Variants in ARHGAP29 observed in about 807,000 individuals in gnomAD.
The protein encoded by ARHGAP29 is Rho GTPase activating protein 29, also known as rho GTPase-activating protein 29.
ARHGAP29 carries 43 observed loss-of-function variants against 122.6 expected under a neutral mutation model. The ratio of observed to expected loss-of-function variants is 0.35; its 90% CI spans 0.27 to 0.45. The LOEUF is 0.45. Ranked by LOEUF, ARHGAP29 falls within the 20% of genes least tolerant of loss-of-function variation. The pLI, the probability that ARHGAP29 is intolerant of heterozygous loss-of-function variation, is 1.00. For synonymous variants in ARHGAP29, 506 were observed against 497.1 expected (o/e 1.02, Z -0.24); for missense variants, 1,303 against 1,477.2 (o/e 0.88, Z 1.93).
chr1:94,298,610 G>A, the ARHGAP29 span, among the ~76,000 whole-genome samples: 1 of 152,128 alleles, frequency 6.6e-6, no homozygotes, highest in African/African-American at 2.4e-5. Context: ...CTTAAAAGTT[G>A]TTTTTGGTTT....
At chr1:94,294,742 G>A in the ARHGAP29 span, among the ~76,000 whole-genome samples, 1 of 152,206 alleles carries the variant, frequency 6.6e-6, no homozygotes, top group Non-Finnish European at 1.5e-5. Context: ...ATCATTAAAT[G>A]AGAAGATGAG....
At chr1:94,226,475 A>G (rs1349533608) in intron 2 of ARHGAP29, among the ~76,000 whole-genome samples, 1 of 152,006 alleles carries the variant, frequency 6.6e-6, no homozygotes, top group Admixed American at 6.5e-5. Flanking sequence ...AAGTGGCAGA[A>G]TGAGGATTCC....
intron 7 of ARHGAP29, among the ~76,000 whole-genome samples, chr1:94,204,785 T>C (rs887352745): frequency 6.6e-6 from 1 of 152,230 alleles, no homozygotes; most frequent in Admixed American, 6.5e-5. Flanking sequence ...GACCATATTA[T>C]CTGACTGCAT....
intron 1 of ARHGAP29, among the ~76,000 whole-genome samples, chr1:94,269,704 A>C (rs1387335727): frequency 6.6e-6 from 1 of 152,320 alleles, no homozygotes; most frequent in East Asian, 1.9e-4. Context: ...ATTATTGAGC[A>C]CCTACTGTGT....
intron 12 of ARHGAP29, chr1:94,195,475 C>A (rs1211871519): frequency 1.3e-5 from 2 of 151,918 alleles, no homozygotes; most frequent in African/African-American, 4.8e-5. Flanking sequence ...ATGTGTGCAA[C>A]CAATTTTTTA....
At chr1:94,289,665 C>T in the ARHGAP29 span, among the ~76,000 whole-genome samples, 2 of 152,100 alleles carry the variant, frequency 1.3e-5, no homozygotes, top group South Asian at 2.1e-4. Context: ...AGATACGTTC[C>T]GTCAATAACT....
At position 94,170,041 on chromosome 1, in the gene ARHGAP29, A is replaced by T. The variant is rs754048979; in HGVS notation, c.*3828T>A. On this transcript the variant is annotated 3_prime_UTR_variant, in exon 23 of 23. Transcript: ENST00000260526. ...CCAAGGCAGAAGCCACGGACTCACC[A>T]TTTGACAACCAAAATAGTAATTGGT... Among the ~76,000 whole-genome samples the T allele has an allele frequency of 4.6e-5, 7 of 152,230 alleles. No individual in the cohort carries two copies. Among genetic ancestry groups the T allele is most frequent in the Non-Finnish European group, 1.0e-4 (7 of 68,036 alleles).
intron 13 of ARHGAP29, 133 bp downstream of exon 13, chr1:94,189,793 A>G: frequency 1.2e-6 from 1 of 805,984 alleles, no homozygotes; most frequent in Non-Finnish European, 1.9e-6. Flanking sequence ...TCGATACCAT[A>G]AAATAATATT....
chr1:94,267,895 A>T (rs949919759), intron 1 of ARHGAP29, among the ~76,000 whole-genome samples: 1 of 152,224 alleles, frequency 6.6e-6, no homozygotes, highest in African/African-American at 2.4e-5. Flanking sequence ...GAACTATCCC[A>T]GTCTTCACTA....
At chr1:94,212,503 C>T (rs1425981876) in intron 3 of ARHGAP29, among the ~76,000 whole-genome samples, 1 of 151,986 alleles carries the variant, frequency 6.6e-6, no homozygotes, top group Non-Finnish European at 1.5e-5. Context: ...AATGTAAATC[C>T]TACTTGTATT....
At chr1:94,258,093 C>A (rs955163110) in intron 1 of ARHGAP29, among the ~76,000 whole-genome samples, 29 of 152,178 alleles carry the variant, frequency 1.9e-4, no homozygotes, top group African/African-American at 7.0e-4. Context: ...AACAGAGAGA[C>A]AAGACCTCCT....
At chr1:94,243,973 C>T (rs1435101660) in intron 1 of ARHGAP29, among the ~76,000 whole-genome samples, 1 of 151,932 alleles carries the variant, frequency 6.6e-6, no homozygotes, top group African/African-American at 2.4e-5. Flanking sequence ...CTAACCCTGA[C>T]ACAAGAAACA....
At chr1:94,227,452 A>T (rs1170567152) in intron 2 of ARHGAP29, among the ~76,000 whole-genome samples, 1 of 151,556 alleles carries the variant, frequency 6.6e-6, no homozygotes, top group Non-Finnish European at 1.5e-5. Context: ...GTCACAAACC[A>T]AAAAATCCAT....
In ARHGAP29 at chr1:94,174,355, A is replaced by C. The variant is rs1283617034; in HGVS notation, c.3300T>G (p.Ser1100Arg). ...TTGTCACTCCTTTTTCCTGGAGTGCACTGGGCATGATCATTGTAGTCTTGG... is the reference window on the plus strand; with the variant it reads ...TTGTCACTCCTTTTTCCTGGAGTGCCCTGGGCATGATCATTGTAGTCTTGG... The part of the protein sequence containing the change: ...LTAKTTMIMP[S>R]ALQEKGVTTS... The change falls in exon 23 of 23, where the codon AGT becomes AGG. Residue 1100 changes from serine to arginine, a missense_variant. Transcript: ENST00000260526. 2 of 1,614,144 alleles carry C rather than the reference A, an allele frequency of 1.2e-6. No homozygotes were observed. The highest frequency in any genetic ancestry group is 4.5e-5 in the East Asian group (2 of 44,866).
chr1:94,298,351 G>T, the ARHGAP29 span, among the ~76,000 whole-genome samples: 1 of 152,020 alleles, frequency 6.6e-6, no homozygotes, highest in Non-Finnish European at 1.5e-5. Context: ...AAGTGTTTAC[G>T]GTCTTTCTAT....
intron 6 of ARHGAP29, 145 bp from the exon 7 acceptor site, chr1:94,205,343 C>A: frequency 1.5e-6 from 1 of 661,192 alleles, no homozygotes; most frequent in Non-Finnish European, 2.4e-6. Context: ...AATTAAAAGG[C>A]CAGAGTTTAA....
At position 94,173,086 on chromosome 1, in the gene ARHGAP29, G is replaced by A. The variant is rs1648847567; in HGVS notation, c.*783C>T. 6.6e-6 allele frequency: 1 copy of A among 152,492 alleles called. No individual in the cohort carries two copies. Among genetic ancestry groups the A allele is most frequent in the Non-Finnish European group, 1.5e-5 (1 of 67,982 alleles). The allele number at this position is 152,492 out of a possible 1,614,324, so 9.4% of individuals were successfully genotyped here. A position where few individuals can be genotyped will look rare whatever the true frequency, so the allele number is the denominator to read the frequency against. On this transcript the variant is annotated 3_prime_UTR_variant, in exon 23 of 23. Coordinates refer to ENST00000260526, the MANE Select transcript of ARHGAP29 (RefSeq NM_004815.4). The stretch of plus-strand genomic sequence containing the variant: ...CATTTATAAAATACTAAAAAGTTCA[G>A]AACTGCTGAAAAACAAAAGTTTATA...
At chr1:94,235,628 T>C (rs1653205300) in intron 1 of ARHGAP29, among the ~76,000 whole-genome samples, 1 of 152,182 alleles carries the variant, frequency 6.6e-6, no homozygotes, top group Non-Finnish European at 1.5e-5. Context: ...CCAAGTGAAA[T>C]TTGAACTGTG....
chr1:94,232,336 C>T (rs1652970361), intron 1 of ARHGAP29, among the ~76,000 whole-genome samples: 2 of 152,036 alleles, frequency 1.3e-5, no homozygotes, highest in African/African-American at 4.8e-5. Context: ...TTAGTTTTTC[C>T]TAATAATGCA....
Sources: allele counts gnomAD v4.1 joint callset (sites outside exome capture counted in the v4.1 genomes callset), GRCh38; gene constraint gnomAD v4.1.1; transcripts MANE v1.5; gene names NCBI Gene and HGNC (gene_info 2026-07-23, HGNC 2026-07-21).